Variants in LEKR1 observed in about 807,000 individuals in gnomAD.
LEKR1 encodes the protein protein LEKR1.
A neutral mutation model predicts 72.4 loss-of-function variants in LEKR1; 59 were observed. The ratio of observed to expected loss-of-function variants is 0.82; its 90% confidence interval spans 0.66 to 1.01. The LOEUF (loss-of-function observed/expected upper bound fraction) is 1.01, where lower values mean the gene tolerates loss of function less well. Among genes scored for constraint, LEKR1 ranks in the 50% least tolerant of loss-of-function variants. LEKR1 has a pLI of 0.00. For missense variants in LEKR1, 728 were observed against 759.2 expected (o/e 0.96, Z 0.48); for synonymous variants, 257 against 263.2 (o/e 0.98, Z 0.23).
At chr3:156,912,135 CA>C (rs1723176383) in intron 3 of LEKR1, among the ~76,000 whole-genome samples, 3 of 151,706 alleles carry the variant, frequency 2.0e-5, no homozygotes. Flanking sequence ...TAATTTCTTT[CA>C]AAAAAATTTT....
chr3:157,029,319 A>G (rs1407213538), intron 12 of LEKR1, among the ~76,000 whole-genome samples: 1 of 152,132 alleles, frequency 6.6e-6, no homozygotes. Context: ...TAAAATATGG[A>G]GTAGATAGAA....
rs570137337 is a variant in LEKR1 at position 157,019,600 on chromosome 3, T to C, written c.1204-5160T>C. Among the ~76,000 whole-genome samples, 386 of 152,346 alleles carry C rather than the reference T, an allele frequency of 2.5e-3. 2 individuals are homozygous for C. Among genetic ancestry groups the C allele is most frequent in the South Asian group, 2.7e-3 (13 of 4,828 alleles). On this transcript the variant is annotated intron_variant, in intron 10 of 12. Transcript: ENST00000356539. ...TTTTTAGAAATCATAATTTTCTTCT[T>C]ATCAAAATTACTATTAGTTATTGTA...
intron 3 of LEKR1, among the ~76,000 whole-genome samples, chr3:156,863,317 A>C (rs933826772): frequency 6.6e-6 from 1 of 152,052 alleles, no homozygotes; most frequent in Non-Finnish European, 1.5e-5. Flanking sequence ...GCTGCTCTTC[A>C]TCAAGGAGGC....
At chr3:156,877,581 G>A (rs925395146) in intron 3 of LEKR1, among the ~76,000 whole-genome samples, 17 of 151,848 alleles carry the variant, frequency 1.1e-4, no homozygotes, top group African/African-American at 3.1e-4. Context: ...TCCATTTCCC[G>A]TAGATTTTCT....
At chr3:156,928,525 A>T (rs543499630) in intron 5 of LEKR1, among the ~76,000 whole-genome samples, 2 of 152,140 alleles carry the variant, frequency 1.3e-5, no homozygotes, top group African/African-American at 4.8e-5. Context: ...CTTTTTAAGG[A>T]TATTGGACTG....
chr3:156,900,807 A>G (rs895230607), intron 3 of LEKR1, among the ~76,000 whole-genome samples: 29 of 152,178 alleles, frequency 1.9e-4, no homozygotes, highest in African/African-American at 7.0e-4. Flanking sequence ...AATAAATACT[A>G]TACAGTTTTT....
intron 2 of LEKR1, among the ~76,000 whole-genome samples, chr3:156,835,843 C>G (rs1462956457): frequency 1.4e-5 from 2 of 147,430 alleles, no homozygotes; most frequent in Non-Finnish European, 3.0e-5. Flanking sequence ...CTCCCTCCCC[C>G]CAAGTCTTGC....
intron 3 of LEKR1, among the ~76,000 whole-genome samples, chr3:156,913,795 A>C (rs1723334668): frequency 6.6e-6 from 1 of 152,232 alleles, no homozygotes; most frequent in Admixed American, 6.5e-5. Flanking sequence ...CTATTTGCTC[A>C]CCTGATCATC....
In LEKR1 at chr3:156,968,149, C is replaced by T. The variant is rs544716935; in HGVS notation, c.746-11045C>T. The stretch of plus-strand genomic sequence containing the variant: ...AGCACTAAACATGGAAAGGAACAAC[C>T]AGTACCAGCCGCTGCAAAAACATGA... On this transcript the variant is annotated intron_variant, in intron 6 of 12. Transcript: ENST00000356539. Among the ~76,000 whole-genome samples, 61 of 152,190 alleles carry T rather than the reference C, an allele frequency of 4.0e-4. 1 individual carries two copies. Among genetic ancestry groups the T allele is most frequent in the African/African-American group, 1.4e-3 (58 of 41,528 alleles).
At chr3:156,854,922 C>A (rs1715860396) in intron 3 of LEKR1, among the ~76,000 whole-genome samples, 1 of 152,086 alleles carries the variant, frequency 6.6e-6, no homozygotes, top group South Asian at 2.1e-4. Context: ...AGCAGTATAT[C>A]AAACATATTG....
At chr3:156,973,986 C>T (rs1729472404) in intron 6 of LEKR1, among the ~76,000 whole-genome samples, 1 of 152,074 alleles carries the variant, frequency 6.6e-6, no homozygotes, top group African/African-American at 2.4e-5. Context: ...TATGTGTATT[C>T]CTATGATCTC....
chr3:156,850,226 C>T (rs1160936443), intron 2 of LEKR1, among the ~76,000 whole-genome samples: 1 of 151,266 alleles, frequency 6.6e-6, no homozygotes, highest in African/African-American at 2.4e-5. Context: ...ATATGTGAGT[C>T]TAAGATAATA....
chr3:156,971,377 C>T (rs1314504757), intron 6 of LEKR1, among the ~76,000 whole-genome samples: 3 of 152,100 alleles, frequency 2.0e-5, no homozygotes, highest in Non-Finnish European at 4.4e-5. Context: ...GACCTGAAAC[C>T]ATAAAAACCC....
intron 5 of LEKR1, among the ~76,000 whole-genome samples, 184 bp downstream of exon 5, chr3:156,927,788 A>G (rs1328206659): frequency 1.3e-5 from 2 of 151,964 alleles, no homozygotes; most frequent in African/African-American, 4.8e-5. Flanking sequence ...GGTTTATCTA[A>G]GATAATCTAT....
At chr3:156,910,333 A>T (rs182533575) in intron 3 of LEKR1, among the ~76,000 whole-genome samples, 1 of 152,142 alleles carries the variant, frequency 6.6e-6, no homozygotes, top group East Asian at 1.9e-4. Flanking sequence ...TGTCCCATGC[A>T]TATTTAGTCT....
chr3:156,888,140 C>T (rs4680312), intron 3 of LEKR1, among the ~76,000 whole-genome samples: 64,832 of 151,816 alleles, frequency 0.43, 16,069 homozygotes, highest in East Asian at 0.72. Flanking sequence ...AATGTGATTG[C>T]GTAGGAGGGC....
intron 9 of LEKR1, among the ~76,000 whole-genome samples, chr3:157,010,009 G>T (rs1445000921): frequency 2.0e-5 from 3 of 151,942 alleles, no homozygotes; most frequent in Non-Finnish European, 4.4e-5. Context: ...TTATAAAGCT[G>T]CTCATAATAT....
intron 3 of LEKR1, among the ~76,000 whole-genome samples, chr3:156,911,758 G>C (rs981425330): frequency 2.6e-5 from 4 of 151,954 alleles, no homozygotes; most frequent in Non-Finnish European, 5.9e-5. Context: ...GTTAAGTAGG[G>C]GGTTCTTTCC....
At chr3:156,881,506 C>G (rs1309902129) in intron 3 of LEKR1, among the ~76,000 whole-genome samples, 1 of 151,802 alleles carries the variant, frequency 6.6e-6, no homozygotes, top group East Asian at 1.9e-4. Flanking sequence ...AAAGAGGATA[C>G]AAACAAATGG....
Sources: allele counts gnomAD v4.1 joint callset (sites outside exome capture counted in the v4.1 genomes callset), GRCh38; gene constraint gnomAD v4.1.1; transcripts MANE v1.5; gene names NCBI Gene and HGNC (gene_info 2026-07-23, HGNC 2026-07-21).